The following ASB5 variants were observed in gnomAD, a reference collection of about 807,000 sequenced individuals.
ASB5 encodes the protein ankyrin repeat and SOCS box containing 5.
ASB5 carries 45 observed loss-of-function variants against 42.1 expected under a neutral mutation model. The ratio of observed to expected loss-of-function variants is 1.07; its 90% CI spans 0.84 to 1.37. The LOEUF (loss-of-function observed/expected upper bound fraction) is 1.37, where lower values mean the gene tolerates loss of function less well. ASB5 is among the 40% of genes most tolerant of loss of function. The pLI is 0.00. For synonymous variants in ASB5, 147 were observed against 150.6 expected, an observed-to-expected ratio of 0.98 and a Z score of 0.18; for missense variants, 402 against 399.8, an observed-to-expected ratio of 1.01 and a Z score of -0.05.
chr4:176,268,744 A>C lies in ASB5; in HGVS notation c.196+169T>G, dbSNP rs566371232. 3.7e-4 allele frequency among the ~76,000 whole-genome samples: 56 copies of C among 152,284 alleles called. 1 individual carries two copies. In the South Asian group the frequency reaches 4.3e-3, roughly 12 times the overall value. ...GATTTTAACCCAAACATTTACATTA[A>C]AAAAGTAATTTTCCTTTTTATAAAG... On this transcript the variant is annotated intron_variant, in intron 1 of 6. Coordinates refer to ENST00000296525, the MANE Select transcript of ASB5 (RefSeq NM_080874.4).
At chr4:176,216,119 G>T (rs1752962699) in intron 6 of ASB5, among the ~76,000 whole-genome samples, 1 of 152,080 alleles carries the variant, frequency 6.6e-6, no homozygotes, top group East Asian at 1.9e-4. Flanking sequence ...CCTGGACTAG[G>T]ATTAAGAAAT....
chr4:176,231,433 AT>A (rs11302848), intron 1 of ASB5, among the ~76,000 whole-genome samples: 75,877 of 151,428 alleles, frequency 0.5, 19,438 homozygotes, highest in East Asian at 0.7. Flanking sequence ...GTCCTAACTT[AT>A]TTTTTTCTCC....
intron 1 of ASB5, among the ~76,000 whole-genome samples, chr4:176,276,092 C>A (rs554500851): frequency 6.6e-6 from 1 of 152,120 alleles, no homozygotes; most frequent in Non-Finnish European, 1.5e-5. Flanking sequence ...TAATCTTGGA[C>A]GATCTGGTAA....
At chr4:176,263,963 G>T (rs1270987493) in intron 1 of ASB5, among the ~76,000 whole-genome samples, 3 of 151,520 alleles carry the variant, frequency 2.0e-5, no homozygotes, top group Non-Finnish European at 4.4e-5. Flanking sequence ...TCTCCAAAAT[G>T]CCAAGTTCAC....
chr4:176,275,172 C>T (rs969078224), intron 2 of ASB5, among the ~76,000 whole-genome samples: 2 of 152,114 alleles, frequency 1.3e-5, no homozygotes, highest in Admixed American at 6.5e-5. Context: ...GTCTCGGCCT[C>T]CCAAAGTGCT....
intron 5 of ASB5, 39 bp from the exon 6 acceptor site, chr4:176,217,048 G>T: frequency 1.3e-6 from 2 of 1,511,740 alleles, no homozygotes; most frequent in Non-Finnish European, 1.8e-6. Flanking sequence ...ATAAATAAAA[G>T]TTGTTAAATA....
intron 1 of ASB5, among the ~76,000 whole-genome samples, chr4:176,231,325 C>G (rs545694812): frequency 6.6e-6 from 1 of 151,892 alleles, no homozygotes; most frequent in East Asian, 1.9e-4. Flanking sequence ...GTAATATGAC[C>G]GTCGGCCTCC....
intron 5 of ASB5, among the ~76,000 whole-genome samples, chr4:176,219,128 T>A: frequency 1.7e-5 from 2 of 116,210 alleles, no homozygotes; most frequent in African/African-American, 3.5e-5. Context: ...ATGATATATA[T>A]ATTTGTATGA....
Position 176,215,486 on chromosome 4 carries a change from G to T in ASB5, c.*114C>A. On this transcript the variant is annotated 3_prime_UTR_variant, in exon 7 of 7. Transcript: ENST00000296525. ...AAATTGATATTTTACTGCTTCCCTGGGTGATCTCACACTCACTTTTATCCT... is the reference window on the plus strand; with the variant it reads ...AAATTGATATTTTACTGCTTCCCTGTGTGATCTCACACTCACTTTTATCCT... 1 of 1,064,792 alleles carries T rather than the reference G, an allele frequency of 9.4e-7. No homozygotes were observed. The highest frequency in any genetic ancestry group is 1.3e-6 in the Non-Finnish European group (1 of 755,066). 66.0% of individuals were successfully genotyped at this position (1,064,792 alleles called of 1,614,324 possible). A position where few individuals can be genotyped will look rare whatever the true frequency, so the allele number is the denominator to read the frequency against.
intron 1 of ASB5, among the ~76,000 whole-genome samples, chr4:176,276,954 G>A (rs1287052642): frequency 6.6e-6 from 1 of 152,158 alleles, no homozygotes; most frequent in Non-Finnish European, 1.5e-5. Context: ...GAAAGTGGTA[G>A]GCAGGCAGGG....
chr4:176,229,818 C>T (rs114161633), intron 1 of ASB5, among the ~76,000 whole-genome samples: 4 of 152,194 alleles, frequency 2.6e-5, no homozygotes, highest in Non-Finnish European at 5.9e-5. Flanking sequence ...GAGCCCTTGG[C>T]CCATCTTGCA....
chr4:176,254,230 G>C (rs2126971860), intron 1 of ASB5, among the ~76,000 whole-genome samples: 1 of 152,202 alleles, frequency 6.6e-6, no homozygotes, highest in East Asian at 1.9e-4. Flanking sequence ...ATAGACCAAT[G>C]GAACAGAATA....
chr4:176,252,911 A>C (rs80139983), intron 1 of ASB5, among the ~76,000 whole-genome samples: 1 of 152,312 alleles, frequency 6.6e-6, no homozygotes, highest in South Asian at 2.1e-4. Context: ...ACATAATACC[A>C]TTACCTTATG....
chr4:176,236,204 A>G (rs1753681640), intron 1 of ASB5, among the ~76,000 whole-genome samples: 1 of 151,712 alleles, frequency 6.6e-6, no homozygotes, highest in Admixed American at 6.6e-5. Flanking sequence ...ACACAGTTCT[A>G]TTATGTTGCT....
intron 1 of ASB5, among the ~76,000 whole-genome samples, chr4:176,265,481 T>C (rs764458925): frequency 4.6e-5 from 7 of 152,218 alleles, no homozygotes; most frequent in Admixed American, 3.3e-4. Context: ...CTTTTATGTA[T>C]ACCGTATCCT....
At position 176,215,366 on chromosome 4, in the gene ASB5, G is replaced by T. The variant is rs1237571879; in HGVS notation, c.*234C>A. 9.7e-6 allele frequency: 3 copies of T among 310,748 alleles called. No homozygotes were observed. The highest frequency in any genetic ancestry group is 2.2e-5 in the African/African-American group (1 of 46,208). The allele number at this position is 310,748 out of a possible 1,614,324, so 19.2% of individuals were successfully genotyped here. A position where few individuals can be genotyped will look rare whatever the true frequency, so the allele number is the denominator to read the frequency against. ...TATTTTTTCCTGAATAAACAGGAGG[G>T]TATATTGAAATAACAAAAAATAGAT... On this transcript the variant is annotated 3_prime_UTR_variant, in exon 7 of 7. Transcript: ENST00000296525.
chr4:176,241,846 T>C (rs1474787074), intron 1 of ASB5, among the ~76,000 whole-genome samples: 2 of 152,094 alleles, frequency 1.3e-5, no homozygotes, highest in African/African-American at 4.8e-5. Flanking sequence ...TCCTCTCCTA[T>C]AGGAGAGAAT....
intron 1 of ASB5, among the ~76,000 whole-genome samples, chr4:176,276,933 A>G (rs887759136): frequency 7.2e-5 from 11 of 152,198 alleles, no homozygotes; most frequent in African/African-American, 2.4e-4. Flanking sequence ...GAAAATCAGG[A>G]TAAGTCAGCA....
At chr4:176,228,317 C>T (rs1753434563) in intron 1 of ASB5, among the ~76,000 whole-genome samples, 1 of 152,120 alleles carries the variant, frequency 6.6e-6, no homozygotes, top group Non-Finnish European at 1.5e-5. Context: ...AAGACAATGA[C>T]AGTTAAGTCT....
Sources: allele counts gnomAD v4.1 joint callset (sites outside exome capture counted in the v4.1 genomes callset), GRCh38; gene constraint gnomAD v4.1.1; transcripts MANE v1.5; gene names NCBI Gene and HGNC (gene_info 2026-07-23, HGNC 2026-07-21).